The following BABAM2 variants were observed in gnomAD, a reference collection of about 807,000 sequenced individuals.
BABAM2 encodes BRISC and BRCA1 A complex member 2, also known as BRISC and BRCA1-A complex member 2.
BABAM2 carries 31 observed loss-of-function variants against 54.7 expected under a neutral mutation model. The ratio of observed to expected loss-of-function variants is 0.57; its 90% confidence interval spans 0.43 to 0.77. The LOEUF (loss-of-function observed/expected upper bound fraction) is 0.77, where lower values mean the gene tolerates loss of function less well. Ranked by LOEUF, BABAM2 falls within the 30% of genes least tolerant of loss-of-function variation. The pLI, the probability that BABAM2 is intolerant of heterozygous loss-of-function variation, is 0.00. For synonymous variants in BABAM2, 167 were observed against 162.9 expected (o/e 1.03, Z -0.19); for missense variants, 364 against 455.8 (o/e 0.80, Z 1.83).
intron 10 of BABAM2, among the ~76,000 whole-genome samples, chr2:28,247,624 T>C (rs983945722): frequency 2.0e-5 from 3 of 152,138 alleles, no homozygotes; most frequent in African/African-American, 7.2e-5. Flanking sequence ...ATAGAGCCAT[T>C]CCCCTGTGGC....
At chr2:28,187,830 G>A (rs547906123) in intron 7 of BABAM2, among the ~76,000 whole-genome samples, 54 of 151,834 alleles carry the variant, frequency 3.6e-4, no homozygotes, top group African/African-American at 1.0e-3. Flanking sequence ...CACCACGCCC[G>A]GTTTATTTTT....
chr2:27,927,826 G>A (rs1667818096), intron 2 of BABAM2, among the ~76,000 whole-genome samples: 1 of 143,576 alleles, frequency 7.0e-6, no homozygotes. Context: ...ACATACCCTT[G>A]TTAAAGTTTC....
chr2:28,266,729 G>A (rs1685015636), intron 10 of BABAM2, among the ~76,000 whole-genome samples: 1 of 152,120 alleles, frequency 6.6e-6, no homozygotes, highest in Non-Finnish European at 1.5e-5. Flanking sequence ...CTTTATTTCT[G>A]TTTTCCAAAA....
intron 3 of BABAM2, among the ~76,000 whole-genome samples, chr2:27,947,211 A>G (rs982618133): frequency 6.6e-6 from 1 of 151,942 alleles, no homozygotes; most frequent in African/African-American, 2.4e-5. Context: ...TTGTTATGTC[A>G]TCTGTTTTTC....
At chr2:28,337,418 C>T (rs770681826) in intron 11 of BABAM2, among the ~76,000 whole-genome samples, 9 of 152,214 alleles carry the variant, frequency 5.9e-5, no homozygotes, top group Admixed American at 2.6e-4. Flanking sequence ...TCCCACACGG[C>T]GTGATCCCAT....
chr2:28,078,192 C>G (rs916720966), intron 6 of BABAM2, among the ~76,000 whole-genome samples: 2 of 152,022 alleles, frequency 1.3e-5, no homozygotes, highest in Non-Finnish European at 2.9e-5. Flanking sequence ...GTGTACACTG[C>G]GTGCCCTTCC....
At chr2:28,183,448 A>G (rs2147890334) in intron 7 of BABAM2, among the ~76,000 whole-genome samples, 1 of 152,300 alleles carries the variant, frequency 6.6e-6, no homozygotes, top group South Asian at 2.1e-4. Flanking sequence ...CTCCAAAAAA[A>G]AATTTACAAA....
chr2:27,899,529 C>A (rs578065338), intron 2 of BABAM2, among the ~76,000 whole-genome samples: 2 of 151,148 alleles, frequency 1.3e-5, no homozygotes, highest in African/African-American at 4.9e-5. Context: ...GGCTGGAGGG[C>A]AATGGCGCGA....
chr2:28,251,101 A>T (rs1033515130), intron 10 of BABAM2, among the ~76,000 whole-genome samples: 1 of 152,130 alleles, frequency 6.6e-6, no homozygotes, highest in Non-Finnish European at 1.5e-5. Flanking sequence ...TAAATGACTA[A>T]TGTTCACACA....
intron 7 of BABAM2, among the ~76,000 whole-genome samples, chr2:28,235,859 T>G (rs1290235662): frequency 6.6e-6 from 1 of 151,904 alleles, no homozygotes; most frequent in African/African-American, 2.4e-5. Context: ...GAAGTCTTCC[T>G]ATGTTGCCCA....
chr2:27,894,787 A>G, intron 2 of BABAM2, 103 bp downstream of exon 2: 1 of 1,369,568 alleles, frequency 7.3e-7, no homozygotes. Flanking sequence ...TGCCACAGAA[A>G]CCCACCAAGT....
At chr2:28,187,866 C>T (rs1237323291) in intron 7 of BABAM2, among the ~76,000 whole-genome samples, 1 of 151,988 alleles carries the variant, frequency 6.6e-6, no homozygotes, top group Non-Finnish European at 1.5e-5. Flanking sequence ...CTGAGTTTCA[C>T]CATGTTGGTC....
At chr2:28,112,907 T>G (rs908530695) in intron 6 of BABAM2, among the ~76,000 whole-genome samples, 16 of 152,256 alleles carry the variant, frequency 1.1e-4, no homozygotes, top group Admixed American at 7.2e-4. Flanking sequence ...CTAACTGGCA[T>G]GAGATGGTAT....
At chr2:28,186,918 A>T (rs944071978) in intron 7 of BABAM2, among the ~76,000 whole-genome samples, 1 of 150,698 alleles carries the variant, frequency 6.6e-6, no homozygotes, top group African/African-American at 2.5e-5. Flanking sequence ...CCATTCTCCT[A>T]CCTCAGCCTC....
intron 7 of BABAM2, among the ~76,000 whole-genome samples, chr2:28,190,035 A>G (rs1676733091): frequency 6.6e-6 from 1 of 152,218 alleles, no homozygotes; most frequent in Non-Finnish European, 1.5e-5. Flanking sequence ...CAGGTAGTTC[A>G]ATAGAGAAAG....
intron 3 of BABAM2, among the ~76,000 whole-genome samples, chr2:27,931,259 A>G (rs1196628162): frequency 6.6e-6 from 1 of 152,202 alleles, no homozygotes; most frequent in Admixed American, 6.5e-5. Flanking sequence ...AGAAATGATC[A>G]AAGTAAATAA....
intron 6 of BABAM2, among the ~76,000 whole-genome samples, chr2:28,051,240 G>A (rs1325985841): frequency 2.0e-5 from 3 of 152,164 alleles, no homozygotes; most frequent in African/African-American, 7.2e-5. Flanking sequence ...ATCTCAGAAA[G>A]GCAACTATCC....
chr2:28,110,269 C>T (rs1019484763), intron 6 of BABAM2, among the ~76,000 whole-genome samples: 2 of 152,118 alleles, frequency 1.3e-5, no homozygotes, highest in Admixed American at 6.6e-5. Context: ...CTTTTCCATT[C>T]ATCTGTTGAT....
At chr2:28,023,588 C>T (rs1027141969) in intron 4 of BABAM2, among the ~76,000 whole-genome samples, 2 of 152,118 alleles carry the variant, frequency 1.3e-5, no homozygotes, top group East Asian at 1.9e-4. Context: ...TCAAGATACC[C>T]CTCTTATTCA....
Sources: allele counts gnomAD v4.1 joint callset (sites outside exome capture counted in the v4.1 genomes callset), GRCh38; gene constraint gnomAD v4.1.1; transcripts MANE v1.5; gene names NCBI Gene and HGNC (gene_info 2026-07-23, HGNC 2026-07-21).